ME1: variants seen among roughly 807,000 people sequenced by gnomAD.
ME1 encodes the protein NADP-dependent malic enzyme.
A neutral mutation model predicts 66.4 loss-of-function variants in ME1; 74 were observed. The observed-to-expected ratio is 1.11, with a 90% CI of 0.92 to 1.35. ME1 has a LOEUF of 1.35. Ranked by LOEUF, ME1 falls within the 40% of genes most tolerant of loss-of-function variation. ME1 has a pLI of 0.00. For synonymous variants in ME1, 251 were observed against 235.6 expected (o/e 1.07, Z -0.60); for missense variants, 750 against 694.1 (o/e 1.08, Z -0.90).
At chr6:83,392,800 C>G in intron 3 of ME1, 1 of 716,488 alleles carries the variant, frequency 1.4e-6, no homozygotes, top group Admixed American at 1.8e-5. Flanking sequence ...TGCTGATGCC[C>G]CCATGTTCGT....
intron 1 of ME1, among the ~76,000 whole-genome samples, chr6:83,417,046 G>A (rs1770173977): frequency 6.6e-6 from 1 of 151,924 alleles, no homozygotes; most frequent in African/African-American, 2.4e-5. Flanking sequence ...CTGCAATAAG[G>A]TTTTGTTTTG....
intron 1 of ME1, among the ~76,000 whole-genome samples, chr6:83,428,138 GATC>G (rs1478812329): frequency 6.6e-6 from 1 of 152,022 alleles, no homozygotes; most frequent in Non-Finnish European, 1.5e-5. Context: ...TCCCTAGAAA[GATC>G]ATTATTAAAT....
chr6:83,256,474 A>G (rs929061641), intron 6 of ME1, among the ~76,000 whole-genome samples: 18 of 152,200 alleles, frequency 1.2e-4, no homozygotes, highest in African/African-American at 4.1e-4. Flanking sequence ...AGAAATGCAA[A>G]TCAAAACCAC....
Position 83,274,564 on chromosome 6 carries a change from A to C in ME1, c.705-20826T>G, listed in dbSNP as rs1330909167. ...TTAGTATCCATTATTTTTGTTGAAT[A>C]TAAGTGAGAATCTTTGTAGTTTAAT... On this transcript the variant is annotated intron_variant, in intron 6 of 13. Coordinates refer to ENST00000369705, the MANE Select transcript of ME1 (RefSeq NM_002395.6). Among the ~76,000 whole-genome samples the C allele has an allele frequency of 2.0e-5, 3 of 152,360 alleles. No homozygotes were observed. In the South Asian group the frequency reaches 6.2e-4, roughly 32 times the overall value.
chr6:83,373,585 T>C (rs1447701584), intron 3 of ME1, among the ~76,000 whole-genome samples: 1 of 152,202 alleles, frequency 6.6e-6, no homozygotes, highest in African/African-American at 2.4e-5. Context: ...ACAAAATTAA[T>C]TTGTTAAATT....
intron 6 of ME1, among the ~76,000 whole-genome samples, chr6:83,278,838 T>C (rs1373529265): frequency 6.6e-6 from 1 of 152,024 alleles, no homozygotes; most frequent in Non-Finnish European, 1.5e-5. Context: ...TTTTACCAGA[T>C]CCTAACTTAA....
At chr6:83,397,450 G>A (rs1019986456) in intron 3 of ME1, among the ~76,000 whole-genome samples, 6 of 152,056 alleles carry the variant, frequency 3.9e-5, no homozygotes, top group African/African-American at 7.2e-5. Context: ...TTGTTAGAAC[G>A]GCTATACCAA....
rs562335222 is a variant in ME1, at chr6:83,324,313, C to G, written c.601-8900G>C. ...AAGAGCAAACAAATTCAAAATCAAGCAGAAGATGAGAAATAACTAAGATCA... is the reference window on the plus strand; with the variant it reads ...AAGAGCAAACAAATTCAAAATCAAGGAGAAGATGAGAAATAACTAAGATCA... On this transcript the variant is annotated intron_variant, in intron 5 of 13. Transcript: ENST00000369705. 2.5e-3 allele frequency among the ~76,000 whole-genome samples: 376 copies of G among 151,066 alleles called. 3 individuals carry two copies. The highest frequency in any genetic ancestry group is 6.3e-3 in the Admixed American group (96 of 15,150).
Position 83,406,191 on chromosome 6 carries a change from G to A in ME1, c.212+1577C>T, listed in dbSNP as rs905705033. 6.6e-5 allele frequency among the ~76,000 whole-genome samples: 10 copies of A among 152,256 alleles called. No individual in the cohort carries two copies. The East Asian group carries it at 7.7e-4, about 12-fold the overall frequency. On this transcript the variant is annotated intron_variant, in intron 2 of 13. Coordinates refer to ENST00000369705, the MANE Select transcript of ME1 (RefSeq NM_002395.6). ...CCAGGGATGAAGCCAACTTGATTGCGGTGGATAAGTTTTTTGATGTGCTGC... is the reference window on the plus strand; with the variant it reads ...CCAGGGATGAAGCCAACTTGATTGCAGTGGATAAGTTTTTTGATGTGCTGC...
intron 3 of ME1, among the ~76,000 whole-genome samples, chr6:83,385,319 T>C (rs7753311): frequency 0.32 from 48,214 of 151,650 alleles, 8,199 homozygotes; most frequent in Middle Eastern, 0.49. Context: ...AAATACTCTT[T>C]TTAAAGATGA....
chr6:83,256,533 A>T (rs1766775988), intron 6 of ME1, among the ~76,000 whole-genome samples: 1 of 152,200 alleles, frequency 6.6e-6, no homozygotes, highest in Non-Finnish European at 1.5e-5. Flanking sequence ...TTAAAAAGTC[A>T]GGAAACAACA....
chr6:83,255,717 T>C (rs771066820), intron 6 of ME1, among the ~76,000 whole-genome samples: 12 of 152,114 alleles, frequency 7.9e-5, no homozygotes, highest in Non-Finnish European at 1.6e-4. Context: ...TATTCTGATA[T>C]ATAGTAGGGT....
In ME1 at chr6:83,211,495, A is replaced by AT. The variant is rs1343624856; in HGVS notation, c.*428_*429insA. ...AAAGTAGTGTTATTTCTGCTTAGCA[A>AT]AAGTTCACCTACGCCTAGATTCATT... On this transcript the variant is annotated 3_prime_UTR_variant, in exon 14 of 14. Coordinates refer to ENST00000369705, the MANE Select transcript of ME1 (RefSeq NM_002395.6). The AT allele has an allele frequency of 1.3e-5, 2 of 151,750 alleles. No individual in the cohort carries two copies. The highest frequency in any genetic ancestry group is 4.9e-5 in the African/African-American group (2 of 41,088). The allele number at this position is 151,750 out of a possible 1,614,324, so 9.4% of individuals were successfully genotyped here. A position where few individuals can be genotyped will look rare whatever the true frequency, so the allele number is the denominator to read the frequency against.
intron 6 of ME1, among the ~76,000 whole-genome samples, chr6:83,262,950 T>C (rs1324409010): frequency 6.6e-6 from 1 of 152,242 alleles, no homozygotes; most frequent in Non-Finnish European, 1.5e-5. Flanking sequence ...TACTGCACTT[T>C]GAAGATACTG....
intron 13 of ME1, among the ~76,000 whole-genome samples, chr6:83,214,682 A>G (rs910483129): frequency 6.6e-6 from 1 of 152,132 alleles, no homozygotes; most frequent in Non-Finnish European, 1.5e-5. Flanking sequence ...CCACTCCTAG[A>G]TATTCACCAG....
chr6:83,220,581 T>C (rs1274393374), intron 12 of ME1, among the ~76,000 whole-genome samples: 1 of 152,214 alleles, frequency 6.6e-6, no homozygotes, highest in Non-Finnish European at 1.5e-5. Flanking sequence ...TCCTAACAGT[T>C]ATTAAATTTG....
intron 10 of ME1, 85 bp from the exon 11 acceptor site, chr6:83,227,562 A>C: frequency 8.6e-7 from 1 of 1,162,018 alleles, no homozygotes; most frequent in Non-Finnish European, 1.2e-6. Context: ...AATGATATCT[A>C]TCAGCTCATT....
chr6:83,229,505 C>T (rs987157522), intron 9 of ME1, among the ~76,000 whole-genome samples: 5 of 152,096 alleles, frequency 3.3e-5, no homozygotes, highest in African/African-American at 1.2e-4. Flanking sequence ...AAAGATTTGA[C>T]TACATAATGG....
At chr6:83,351,407 C>T (rs887165217) in intron 4 of ME1, among the ~76,000 whole-genome samples, 3 of 152,126 alleles carry the variant, frequency 2.0e-5, no homozygotes, top group African/African-American at 7.2e-5. Context: ...AGAACAAACA[C>T]TTCTCACCTC....
Sources: gnomAD v4.1 joint callset for allele counts (sites outside exome capture counted in the v4.1 genomes callset) on GRCh38, gnomAD v4.1.1 for gene constraint, MANE v1.5 for transcripts, NCBI Gene and HGNC (gene_info 2026-07-23, HGNC 2026-07-21) for gene names.